The following EPHX3 variants were observed in gnomAD, a reference collection of about 807,000 sequenced individuals.
EPHX3 encodes epoxide hydrolase 3.
EPHX3 carries 39 observed loss-of-function variants against 40.2 expected under a neutral mutation model. The observed-to-expected ratio is 0.97, with a 90% CI of 0.75 to 1.27. The LOEUF (loss-of-function observed/expected upper bound fraction) is 1.27. EPHX3 is among the 50% of genes most tolerant of loss of function. The probability of loss-of-function intolerance (pLI) is 0.00; values close to 1 mark genes in which losing one functional copy is unlikely to be tolerated. For missense variants in EPHX3, 442 were observed against 474.0 expected (o/e 0.93, Z 0.63); for synonymous variants, 213 against 209.7 (o/e 1.02, Z -0.14).
At chr19:15,233,096 T>C (rs1055018546), upstream of EPHX3, 5 of 122,572 alleles carry the variant, frequency 4.1e-5, no homozygotes, top group South Asian at 2.8e-4. Flanking sequence ...AGGCCTAACA[T>C]TGGGCGAAGA....
Position 15,232,044 on chromosome 19 carries a change from G to T in EPHX3, c.168C>A (p.Cys56Ter). Residue 56 changes from cysteine to a stop codon, truncating the protein, a stop_gained, in exon 1 of 7, where the codon TGC becomes TGA. Coordinates refer to ENST00000221730, the MANE Select transcript of EPHX3 (RefSeq NM_024794.3). LOFTEE classifies it high-confidence loss of function. ...HVLCRPRRGC[C>*]GRRRSASPAC... ...CGGGGGACGCGCTCCGACGGCGCCC[G>T]CAGCAGCCGCGCCGGGGCCGGCACA... The T allele has an allele frequency of 6.3e-7, 1 of 1,582,234 alleles. No individual in the cohort carries two copies.
At chr19:15,233,022 G>C (rs556397999), upstream of EPHX3, 14 of 152,184 alleles carry the variant, frequency 9.2e-5, no homozygotes, top group East Asian at 2.7e-3. Context: ...AAAGGAGAAA[G>C]AGTTGGAATG....
chr19:15,235,932 C>T (rs1052067224), upstream of EPHX3: 1 of 152,212 alleles, frequency 6.6e-6, no homozygotes, highest in African/African-American at 2.4e-5. Context: ...GGGGAAGTGT[C>T]TGAACAAAAC....
At chr19:15,230,509 T>C (rs564722035) in intron 4 of EPHX3, among the ~76,000 whole-genome samples, 15 of 150,694 alleles carry the variant, frequency 1.0e-4, no homozygotes, top group African/African-American at 3.4e-4. Context: ...AGATGGAGTT[T>C]TGCTCTTGTT....
chr19:15,230,832 G>A, intron 4 of EPHX3, 130 bp downstream of exon 4: 1 of 1,279,368 alleles, frequency 7.8e-7, no homozygotes, highest in South Asian at 1.4e-5. Flanking sequence ...CAACCGAAGG[G>A]ACCTGGGTTG....
intron 4 of EPHX3, among the ~76,000 whole-genome samples, chr19:15,229,996 GAT>G (rs2047142808): frequency 6.6e-6 from 1 of 151,120 alleles, no homozygotes; most frequent in South Asian, 2.1e-4. Flanking sequence ...AACATCAGGT[GAT>G]ATGATAGACA....
chr19:15,232,397 C>G lies in EPHX3; in HGVS notation c.-186G>C. On this transcript the variant is annotated 5_prime_UTR_variant, in exon 1 of 7. Coordinates refer to ENST00000221730, the MANE Select transcript of EPHX3 (RefSeq NM_024794.3). ...CAGAAAACAGCCAGAGCGCACCACT[C>G]ACCTGAGTGCCAGGTAAACACCTGG... 1 of 1,364,166 alleles carries G rather than the reference C, an allele frequency of 7.3e-7. No homozygotes were observed. The highest frequency in any genetic ancestry group is 1.7e-5 in the South Asian group (1 of 57,760). The allele number at this position is 1,364,166 out of a possible 1,614,324, so 84.5% of individuals were successfully genotyped here. A position where few individuals can be genotyped will look rare whatever the true frequency, so the allele number is the denominator to read the frequency against.
rs2047161591 is a variant in EPHX3, at chr19:15,232,238, C to T, written c.-27G>A. On this transcript the variant is annotated 5_prime_UTR_variant, in exon 1 of 7. Coordinates refer to ENST00000221730, the MANE Select transcript of EPHX3 (RefSeq NM_024794.3). ...TCGCCGCGCTCCGGGACCACGGCGG[C>T]GCTGCCGGCCAGGGGCACCTGCAGC... 6.8e-7 allele frequency: 1 copy of T among 1,462,492 alleles called. No homozygotes were observed. Among genetic ancestry groups the T allele is most frequent in the Non-Finnish European group, 8.9e-7 (1 of 1,119,000 alleles). 90.6% of individuals were successfully genotyped at this position (1,462,492 alleles called of 1,614,324 possible).
chr19:15,232,242 G>A lies in EPHX3; in HGVS notation c.-31C>T. 3 of 1,458,862 alleles carry A rather than the reference G, an allele frequency of 2.1e-6. No individual in the cohort carries two copies. Among genetic ancestry groups the A allele is most frequent in the Non-Finnish European group, 2.7e-6 (3 of 1,117,278 alleles). The allele number at this position is 1,458,862 out of a possible 1,614,324, so 90.4% of individuals were successfully genotyped here. On this transcript the variant is annotated 5_prime_UTR_variant, in exon 1 of 7. Coordinates refer to ENST00000221730, the MANE Select transcript of EPHX3 (RefSeq NM_024794.3). Reference sequence around the variant, plus strand: ...CGCGCTCCGGGACCACGGCGGCGCTGCCGGCCAGGGGCACCTGCAGCAGCG... The same window carrying A: ...CGCGCTCCGGGACCACGGCGGCGCTACCGGCCAGGGGCACCTGCAGCAGCG...
In EPHX3 at chr19:15,230,973, G is replaced by T. The variant is rs751965927; in HGVS notation, c.605C>A (p.Ser202Ter). ...ACTCCCACACACACCTTGGTACACC[G>T]ACATGGGGGCACCACTGACCACAAC... is the stretch of plus-strand genomic sequence containing the variant. ...RMVVVSGAPMSVYQDYSLHHI... is the reference protein window; with the variant it reads ...RMVVVSGAPM Residue 202 changes from serine to a stop codon, truncating the protein, a stop_gained, in exon 4 of 7, where the codon TCG (serine) becomes TAG (stop). Transcript: ENST00000221730. LOFTEE classifies it high-confidence loss of function. 6.2e-7 allele frequency: 1 copy of T among 1,613,962 alleles called. No homozygotes were observed.
intron 4 of EPHX3, among the ~76,000 whole-genome samples, chr19:15,230,319 C>T (rs964652934): frequency 6.6e-6 from 1 of 151,966 alleles, no homozygotes; most frequent in African/African-American, 2.4e-5. Context: ...CAAGCGTGCA[C>T]TACCATGCCT....
upstream of EPHX3, among the ~76,000 whole-genome samples, chr19:15,232,666 C>T (rs1477760131): frequency 6.6e-6 from 1 of 152,090 alleles, no homozygotes; most frequent in African/African-American, 2.4e-5. Context: ...CACCTGAGAT[C>T]AAGAGCTCGA....
Position 15,228,127 on chromosome 19 carries a change from T to C in EPHX3, c.617-27A>G, listed in dbSNP as rs377487636. On this transcript the variant is annotated intron_variant, in intron 4 of 6. Transcript: ENST00000221730. ...TGGGGTGGGAGGGTTGGGGGAGAGA[T>C]ATAAGGCCTGCTCCTGGGGTGGCCC... The C allele has an allele frequency of 4.6e-6, 7 of 1,531,526 alleles. No homozygotes were observed. The African/African-American group carries it at 8.2e-5, about 18-fold the overall frequency. 94.9% of individuals were successfully genotyped at this position (1,531,526 alleles called of 1,614,324 possible).
At chr19:15,234,059 CAA>C (rs544530627), upstream of EPHX3, among the ~76,000 whole-genome samples, 20 of 97,574 alleles carry the variant, frequency 2.0e-4, no homozygotes, top group Admixed American at 1.1e-4. Flanking sequence ...GACTCCGTCT[CAA>C]AAAAAAAAAA....
In EPHX3 at chr19:15,227,101, C is replaced by T. The variant is rs866461767; in HGVS notation, c.*336G>A. ...GGTCTGTGCAGCTATGGCAGAGAAG[C>T]GACTTTGGCAAAGCGCAGAGTGAGG... On this transcript the variant is annotated 3_prime_UTR_variant, in exon 7 of 7. Coordinates refer to ENST00000221730, the MANE Select transcript of EPHX3 (RefSeq NM_024794.3). 2.4e-4 allele frequency: 85 copies of T among 356,132 alleles called. 1 individual carries two copies. Among genetic ancestry groups the T allele is most frequent in the Middle Eastern group, 1.8e-3 (2 of 1,138 alleles). 22.1% of individuals were successfully genotyped at this position (356,132 alleles called of 1,614,324 possible).
At chr19:15,232,463 G>A (rs1313764716), upstream of EPHX3, 8 of 1,324,102 alleles carry the variant, frequency 6.0e-6, no homozygotes, top group Admixed American at 2.1e-4. Context: ...TGCGGAGGCT[G>A]GGGAGGAAGA....
intron 5 of EPHX3, 44 bp downstream of exon 5, chr19:15,227,953 C>A: frequency 1.2e-6 from 2 of 1,614,050 alleles, no homozygotes; most frequent in Non-Finnish European, 1.7e-6. Context: ...GCCTGCCCAG[C>A]CCCGACCTGC....
chr19:15,234,541 G>A (rs919516371), upstream of EPHX3, among the ~76,000 whole-genome samples: 4 of 152,112 alleles, frequency 2.6e-5, no homozygotes, highest in Admixed American at 6.6e-5. Flanking sequence ...CTGGCCTCAA[G>A]CAATCCTCAA....
rs1341504170 is a variant in EPHX3, at chr19:15,232,205, C to G, written c.7G>C (p.Glu3Gln). 21 of 1,507,606 alleles carry G rather than the reference C, an allele frequency of 1.4e-5. No individual in the cohort carries two copies. Among genetic ancestry groups the G allele is most frequent in the Non-Finnish European group, 1.8e-5 (21 of 1,136,996 alleles). The allele number at this position is 1,507,606 out of a possible 1,614,324, so 93.4% of individuals were successfully genotyped here. Residue 3 changes from glutamate (E) to glutamine (Q), a missense_variant, in exon 1 of 7, where the codon GAG (glutamate) becomes CAG (glutamine). Physicochemically the swap from Glu to Gln is conservative, Grantham distance 29. Coordinates refer to ENST00000221730, the MANE Select transcript of EPHX3 (RefSeq NM_024794.3). ...GCCAGCAGCGCGGTCACCACCAGCTCCGGCATGTCGCCGCGCTCCGGGACC... is the reference window on the plus strand; with the variant it reads ...GCCAGCAGCGCGGTCACCACCAGCTGCGGCATGTCGCCGCGCTCCGGGACC... MP[E>Q]LVVTALLAPS...
Sources: allele counts gnomAD v4.1 joint callset (sites outside exome capture counted in the v4.1 genomes callset), GRCh38; gene constraint gnomAD v4.1.1; transcripts MANE v1.5; gene names NCBI Gene and HGNC (gene_info 2026-07-23, HGNC 2026-07-21).